The following AFF3 variants were observed in gnomAD, a reference collection of about 807,000 sequenced individuals.
AFF3 encodes the protein AF4/FMR2 family member 3.
Under a neutral mutation model 129.7 loss-of-function variants are expected in AFF3, and 32 were observed. That is an observed-to-expected ratio of 0.25 (90% CI 0.19 to 0.33). The LOEUF (loss-of-function observed/expected upper bound fraction) is 0.33. AFF3 is among the 10% of genes least tolerant of loss of function. The pLI is 1.00. For missense variants in AFF3, 1,373 were observed against 1,592.0 expected (o/e 0.86, Z 2.34); for synonymous variants, 644 against 635.4 (o/e 1.01, Z -0.20).
chr2:99,716,890 A>AT (rs1558780766), intron 11 of AFF3, among the ~76,000 whole-genome samples: 1 of 85,958 alleles, frequency 1.2e-5, no homozygotes, highest in African/African-American at 3.9e-5. Flanking sequence ...CTCAAAAAAA[A>AT]AATATATATA....
intron 8 of AFF3, among the ~76,000 whole-genome samples, chr2:99,760,088 T>C (rs1682454504): frequency 6.6e-6 from 1 of 152,218 alleles, no homozygotes; most frequent in East Asian, 1.9e-4. Context: ...CATTTAAGCA[T>C]TCAATAAAAG....
chr2:99,745,343 G>A (rs80088729), intron 9 of AFF3, among the ~76,000 whole-genome samples: 2,889 of 152,182 alleles, frequency 0.019, 83 homozygotes, highest in African/African-American at 0.065. Context: ...TATCAGTAAT[G>A]TTCTTTGATG....
Position 100,135,044 on chromosome 2 carries a change from G to A in AFF3, c.-227-5738C>T, listed in dbSNP as rs572544602. 3.3e-5 allele frequency among the ~76,000 whole-genome samples: 5 copies of A among 152,270 alleles called. No individual in the cohort carries two copies. The South Asian group carries it at 1.0e-3, about 32-fold the overall frequency. ...GAAGAGCTCCAAGGTGCTAGGCCAT[G>A]ACATAGGAGTGTTCAAGAAATGATG... On this transcript the variant is annotated intron_variant, in intron 1 of 24. Coordinates refer to ENST00000672756, the MANE Select transcript of AFF3 (RefSeq NM_001386135.1).
At position 99,625,954 on chromosome 2, in the gene AFF3, A is replaced by C. The variant is rs553584562; in HGVS notation, c.1184+23672T>G. The stretch of plus-strand genomic sequence containing the variant: ...ACCTTCCAGCTAATTTAGAATTCTC[A>C]AGTGGCCACATGAAAAGATTAGAAT... On this transcript the variant is annotated intron_variant, in intron 13 of 24. Coordinates refer to ENST00000672756, the MANE Select transcript of AFF3 (RefSeq NM_001386135.1). Among the ~76,000 whole-genome samples, 13 of 152,328 alleles carry C rather than the reference A, an allele frequency of 8.5e-5. 1 individual carries two copies. The East Asian group carries it at 2.3e-3, about 27-fold the overall frequency.
At chr2:99,749,404 T>C (rs543377277) in intron 9 of AFF3, among the ~76,000 whole-genome samples, 1 of 152,312 alleles carries the variant, frequency 6.6e-6, no homozygotes, top group Admixed American at 6.5e-5. Context: ...CAGAACAAAC[T>C]GGTACAATAT....
chr2:99,574,475 G>C (rs929677373), intron 18 of AFF3, among the ~76,000 whole-genome samples: 1 of 152,084 alleles, frequency 6.6e-6, no homozygotes, highest in African/African-American at 2.4e-5. Context: ...AAGTAACCTA[G>C]GAAAACGGGC....
At chr2:99,753,072 T>C (rs1174324860) in intron 8 of AFF3, among the ~76,000 whole-genome samples, 2 of 146,574 alleles carry the variant, frequency 1.4e-5, no homozygotes, top group Non-Finnish European at 2.9e-5. Context: ...AACTTGGAGT[T>C]TACGAATTAG....
intron 9 of AFF3, among the ~76,000 whole-genome samples, chr2:99,747,346 T>C (rs943841301): frequency 1.3e-5 from 2 of 150,204 alleles, no homozygotes; most frequent in Non-Finnish European, 3.0e-5. Flanking sequence ...ATTTATTTTT[T>C]AGAGACAGGG....
intron 10 of AFF3, among the ~76,000 whole-genome samples, chr2:99,729,965 G>GA (rs1413235895): frequency 4.6e-5 from 7 of 151,816 alleles, no homozygotes; most frequent in South Asian, 4.2e-4. Context: ...AGGAAGAGGG[G>GA]AAAAAATGAG....
intron 2 of AFF3, 184 bp from the exon 3 acceptor site, chr2:100,105,767 T>A: frequency 7.4e-7 from 1 of 1,359,832 alleles, no homozygotes; most frequent in Non-Finnish European, 9.8e-7. Flanking sequence ...CAAGGCCCCC[T>A]GACTCTCCTG....
At chr2:99,627,192 C>A (rs2105355533) in intron 13 of AFF3, among the ~76,000 whole-genome samples, 1 of 152,234 alleles carries the variant, frequency 6.6e-6, no homozygotes, top group African/African-American at 2.4e-5. Context: ...ACATTCCCAC[C>A]AACAGTGTAT....
intron 12 of AFF3, 66 bp downstream of exon 12, chr2:99,672,472 A>G: frequency 1.3e-6 from 2 of 1,524,830 alleles, no homozygotes; most frequent in Non-Finnish European, 1.8e-6. Context: ...AACACCCGGC[A>G]CAGTCCACCA....
chr2:100,032,647 G>A (rs963856641), intron 4 of AFF3, among the ~76,000 whole-genome samples: 3 of 152,060 alleles, frequency 2.0e-5, no homozygotes, highest in African/African-American at 7.2e-5. Context: ...TTTTCACATG[G>A]TGATCCAATT....
intron 7 of AFF3, among the ~76,000 whole-genome samples, chr2:99,935,822 GT>G (rs1475971959): frequency 6.6e-6 from 1 of 152,178 alleles, no homozygotes; most frequent in African/African-American, 2.4e-5. Flanking sequence ...ATACACTTCA[GT>G]TTTTTCCATT....
At chr2:100,011,071 G>C (rs1053832994) in intron 4 of AFF3, among the ~76,000 whole-genome samples, 1 of 152,050 alleles carries the variant, frequency 6.6e-6, no homozygotes. Context: ...TCAGGAGATC[G>C]AGGCCATCCT....
At chr2:99,824,965 C>T (rs996149497) in intron 8 of AFF3, among the ~76,000 whole-genome samples, 1 of 152,166 alleles carries the variant, frequency 6.6e-6, no homozygotes, top group Non-Finnish European at 1.5e-5. Flanking sequence ...GCTGTGTGGA[C>T]TGCTTCCAAA....
rs78928491 is a variant in AFF3 at position 99,994,823 on chromosome 2, G to C, written c.873+11809C>G. Reference sequence around the variant, plus strand: ...CTTTATTTTTGTCACTGATCTGCCTGACATCATTTGAACCAGTGAAAGTAG... The same window carrying C: ...CTTTATTTTTGTCACTGATCTGCCTCACATCATTTGAACCAGTGAAAGTAG... On this transcript the variant is annotated intron_variant, in intron 7 of 24. Coordinates refer to ENST00000672756, the MANE Select transcript of AFF3 (RefSeq NM_001386135.1). Among the ~76,000 whole-genome samples, 101 of 152,226 alleles carry C rather than the reference G, an allele frequency of 6.6e-4. 4 individuals are homozygous for C. In the East Asian group the frequency reaches 0.018, roughly 28 times the overall value.
intron 17 of AFF3, among the ~76,000 whole-genome samples, chr2:99,579,257 T>C (rs1677287578): frequency 6.6e-6 from 1 of 150,568 alleles, no homozygotes; most frequent in Non-Finnish European, 1.5e-5. Context: ...AATACAAAAT[T>C]AGCTAGACGT....
intron 20 of AFF3, among the ~76,000 whole-genome samples, chr2:99,562,403 T>G (rs1395744015): frequency 6.6e-6 from 1 of 152,242 alleles, no homozygotes; most frequent in Non-Finnish European, 1.5e-5. Flanking sequence ...GTCCTCAAGT[T>G]CATTGACTCT....
Sources: allele counts gnomAD v4.1 joint callset (sites outside exome capture counted in the v4.1 genomes callset), GRCh38; gene constraint gnomAD v4.1.1; transcripts MANE v1.5; gene names NCBI Gene and HGNC (gene_info 2026-07-23, HGNC 2026-07-21).